EYS: variants seen among roughly 807,000 people sequenced by gnomAD.
EYS encodes protein eyes shut homolog.
EYS carries 250 observed loss-of-function variants against 282.1 expected under a neutral mutation model. The ratio of observed to expected loss-of-function variants is 0.89; its 90% confidence interval spans 0.80 to 0.98. The LOEUF (loss-of-function observed/expected upper bound fraction) is 0.98. EYS is among the 50% of genes least tolerant of loss of function. The pLI is 0.00. For synonymous variants in EYS, 1,355 were observed against 1,282.9 expected (o/e 1.06, Z -1.20); for missense variants, 4,016 against 3,709.0 (o/e 1.08, Z -2.15).
intron 2 of EYS, among the ~76,000 whole-genome samples, chr6:65,599,198 AC>A (rs1437537911): frequency 6.6e-6 from 1 of 152,060 alleles, no homozygotes; most frequent in African/African-American, 2.4e-5. Flanking sequence ...TGAGGAACCC[AC>A]CTATAGTGAT....
rs371215847 is a variant in EYS at position 63,905,404 on chromosome 6, G to A, written c.7056-41046C>T. 4.3e-4 allele frequency among the ~76,000 whole-genome samples: 62 copies of A among 143,530 alleles called. No individual in the cohort carries two copies. The East Asian group carries it at 5.1e-3, about 12-fold the overall frequency. The allele number at this position is 143,530 out of a possible 152,430, so 94.2% of individuals were successfully genotyped here. A position where few individuals can be genotyped will look rare whatever the true frequency, so the allele number is the denominator to read the frequency against. ...GAGTGCGGTGGCACAATCTCGGCTC[G>A]CTGCAAGCTCTGCCTCCCAGGTTCA... is the stretch of plus-strand genomic sequence containing the variant. On this transcript the variant is annotated intron_variant, in intron 35 of 42. Coordinates refer to ENST00000503581, the MANE Select transcript of EYS (RefSeq NM_001142800.2).
intron 37 of EYS, among the ~76,000 whole-genome samples, chr6:63,804,897 G>C (rs1404634737): frequency 6.6e-6 from 1 of 152,132 alleles, no homozygotes; most frequent in African/African-American, 2.4e-5. Flanking sequence ...CATAGGGATG[G>C]GGAAGAGATT....
At chr6:64,932,454 T>C (rs1768758630) in intron 15 of EYS, among the ~76,000 whole-genome samples, 1 of 152,052 alleles carries the variant, frequency 6.6e-6, no homozygotes, top group African/African-American at 2.4e-5. Flanking sequence ...TTTGAGGCAA[T>C]AATTCCAGTT....
At chr6:65,531,543 G>A (rs1562243602) in intron 2 of EYS, among the ~76,000 whole-genome samples, 1 of 152,106 alleles carries the variant, frequency 6.6e-6, no homozygotes, top group East Asian at 1.9e-4. Flanking sequence ...TACATGAAAG[G>A]AAACATTCAA....
intron 24 of EYS, among the ~76,000 whole-genome samples, chr6:64,605,489 T>C (rs962781428): frequency 2.0e-5 from 3 of 151,928 alleles, no homozygotes; most frequent in Admixed American, 6.6e-5. Flanking sequence ...TTACTACAGG[T>C]GCAAATTATC....
chr6:64,727,139 A>C (rs576575053), intron 22 of EYS, among the ~76,000 whole-genome samples: 1 of 152,310 alleles, frequency 6.6e-6, no homozygotes, highest in Admixed American at 6.5e-5. Flanking sequence ...AATGTAAATA[A>C]ATAATTTGAA....
chr6:65,053,583 A>AATAGGTT (rs1303847879), intron 13 of EYS, among the ~76,000 whole-genome samples: 5 of 151,844 alleles, frequency 3.3e-5, no homozygotes, highest in African/African-American at 1.2e-4. Flanking sequence ...TAGCTCAAAA[A>AATAGGTT]ATAGGTTATA....
At chr6:65,476,721 C>T (rs1175232364) in intron 5 of EYS, among the ~76,000 whole-genome samples, 2 of 151,916 alleles carry the variant, frequency 1.3e-5, no homozygotes, top group South Asian at 2.1e-4. Flanking sequence ...GGACTACAGG[C>T]GCGTGCCACC....
At chr6:63,982,569 G>A (rs1222192505) in intron 35 of EYS, among the ~76,000 whole-genome samples, 3 of 151,806 alleles carry the variant, frequency 2.0e-5, no homozygotes, top group African/African-American at 7.2e-5. Flanking sequence ...CCAAACTGCT[G>A]TTTGCTTCCT....
intron 2 of EYS, among the ~76,000 whole-genome samples, chr6:65,558,128 GC>G (rs1768891092): frequency 6.6e-6 from 1 of 152,140 alleles, no homozygotes. Flanking sequence ...CTTCTTTCCT[GC>G]CTAGAAACCT....
At chr6:65,372,687 G>T (rs1451291395) in intron 8 of EYS, among the ~76,000 whole-genome samples, 5 of 151,996 alleles carry the variant, frequency 3.3e-5, no homozygotes, top group African/African-American at 9.7e-5. Flanking sequence ...TATTGAGAAT[G>T]CAATTGACAT....
At chr6:64,856,062 G>T (rs896472822) in intron 19 of EYS, among the ~76,000 whole-genome samples, 1 of 152,092 alleles carries the variant, frequency 6.6e-6, no homozygotes, top group African/African-American at 2.4e-5. Context: ...GAATAAACCT[G>T]CTATGAACAA....
intron 26 of EYS, among the ~76,000 whole-genome samples, chr6:64,442,173 G>A (rs1774970957): frequency 6.6e-6 from 1 of 152,174 alleles, no homozygotes; most frequent in African/African-American, 2.4e-5. Context: ...AACTTGTTGG[G>A]AAATGGAGCA....
At chr6:64,495,562 G>T (rs956576151) in intron 26 of EYS, among the ~76,000 whole-genome samples, 1 of 151,820 alleles carries the variant, frequency 6.6e-6, no homozygotes, top group Non-Finnish European at 1.5e-5. Flanking sequence ...CAAATTAGAC[G>T]TGTGCTGTGC....
chr6:64,200,838 G>A (rs2150322224), intron 31 of EYS, among the ~76,000 whole-genome samples: 1 of 152,176 alleles, frequency 6.6e-6, no homozygotes, highest in East Asian at 1.9e-4. Context: ...CACAAAACCT[G>A]GAAAGACCAT....
At chr6:64,855,444 C>A (rs1333893000) in intron 19 of EYS, among the ~76,000 whole-genome samples, 2 of 151,914 alleles carry the variant, frequency 1.3e-5, no homozygotes, top group East Asian at 3.9e-4. Flanking sequence ...TTTTTCATCT[C>A]TGATATTGTT....
chr6:63,947,489 A>G (rs182362457), intron 35 of EYS, among the ~76,000 whole-genome samples: 3 of 152,234 alleles, frequency 2.0e-5, no homozygotes, highest in African/African-American at 7.2e-5. Context: ...TGATTGAATT[A>G]TTTGAAGGAG....
intron 31 of EYS, among the ~76,000 whole-genome samples, chr6:64,177,075 T>C (rs940253273): frequency 4.0e-5 from 6 of 151,826 alleles, no homozygotes; most frequent in Non-Finnish European, 7.4e-5. Context: ...TAATTTACTA[T>C]AAATTATTCA....
chr6:65,617,782 A>T (rs531362193), intron 2 of EYS, among the ~76,000 whole-genome samples: 2 of 143,842 alleles, frequency 1.4e-5, no homozygotes, highest in East Asian at 2.1e-4. Context: ...AATTTCCACC[A>T]ATGAGTGAGA....
Sources: allele counts gnomAD v4.1 joint callset (sites outside exome capture counted in the v4.1 genomes callset), GRCh38; gene constraint gnomAD v4.1.1; transcripts MANE v1.5; gene names NCBI Gene and HGNC (gene_info 2026-07-23, HGNC 2026-07-21).